The following STIL variants were observed in gnomAD, a reference collection of about 807,000 sequenced individuals.
STIL encodes STIL centriolar assembly protein, also known as SCL-interrupting locus protein.
Under a neutral mutation model 110.1 loss-of-function variants are expected in STIL, and 55 were observed. The observed-to-expected ratio is 0.50, with a 90% CI of 0.40 to 0.63. The LOEUF is 0.63. Among genes scored for constraint, STIL ranks in the 20% least tolerant of loss-of-function variants. The probability of loss-of-function intolerance (pLI) is 0.00; values close to 1 mark genes in which losing one functional copy is unlikely to be tolerated. For missense variants in STIL, 1,358 were observed against 1,530.0 expected, an observed-to-expected ratio of 0.89 and a Z score of 1.87; for synonymous variants, 481 against 530.0, an observed-to-expected ratio of 0.91 and a Z score of 1.27.
intron 15 of STIL, among the ~76,000 whole-genome samples, chr1:47,262,083 C>G (rs1475081089): frequency 6.6e-6 from 1 of 152,124 alleles, no homozygotes; most frequent in Non-Finnish European, 1.5e-5. Flanking sequence ...CTCACTTTCT[C>G]AAAGTAAGAA....
chr1:47,303,783 A>G (rs1186043050), intron 3 of STIL, among the ~76,000 whole-genome samples: 1 of 152,222 alleles, frequency 6.6e-6, no homozygotes, highest in African/African-American at 2.4e-5. Context: ...ACTAGTGTTG[A>G]ACCCGAATAC....
intron 8 of STIL, 87 bp downstream of exon 8, chr1:47,293,371 G>C: frequency 1.9e-6 from 2 of 1,038,428 alleles, no homozygotes; most frequent in Non-Finnish European, 3.0e-6. Context: ...AAAAGGTTAC[G>C]GCATTACATG....
intron 16 of STIL, among the ~76,000 whole-genome samples, chr1:47,252,701 A>G (rs1320727581): frequency 6.6e-6 from 1 of 152,032 alleles, no homozygotes; most frequent in African/African-American, 2.4e-5. Context: ...TAGCTCAGAA[A>G]ATTAAATTGT....
chr1:47,265,564 T>C (rs1644624921), intron 14 of STIL, among the ~76,000 whole-genome samples: 1 of 151,840 alleles, frequency 6.6e-6, no homozygotes, highest in African/African-American at 2.4e-5. Context: ...GCAGATCATC[T>C]GAGGTCAGGA....
rs772304964 is a variant in STIL, at chr1:47,251,689, G to A, written c.3314C>T (p.Thr1105Ile). ...TGGTGAAATTAAACTAAGCCCCACT[G>A]TGCTTCTGTCTGTATTAATATGGAG... ...SLLHINTDRS[T>I]VGLSLISPNN... is the part of the protein sequence containing the mutation. Residue 1105 changes from threonine to isoleucine, a missense_variant, in exon 17 of 17, where the codon ACA (threonine) becomes ATA (isoleucine). By Grantham distance (89) the Thr-to-Ile change is moderately conservative. Transcript: ENST00000371877. The A allele has an allele frequency of 4.3e-6, 7 of 1,614,062 alleles. No homozygotes were observed. The highest frequency in any genetic ancestry group is 1.7e-5 in the Admixed American group (1 of 59,998).
Position 47,289,483 on chromosome 1 carries a change from G to C in STIL, c.975C>G (p.Asp325Glu). The change falls in exon 9 of 17, where the codon GAC becomes GAG. Residue 325 changes from aspartate (D) to glutamate (E), a missense_variant. Asp to Glu is a conservative substitution (Grantham distance 45). Transcript: ENST00000371877. ...ECFPCDGKIPDFRFQLLTSKE... is the reference protein window; with the variant it reads ...ECFPCDGKIPEFRFQLLTSKE... The stretch of plus-strand genomic sequence containing the variant: ...TACTGGTTAGCAACTGAAACCGAAA[G>C]TCAGGTATCTTGCCATCACAAGGGA... 1 of 1,613,898 alleles carries C rather than the reference G, an allele frequency of 6.2e-7. No homozygotes were observed. The highest frequency in any genetic ancestry group is 1.1e-5 in the South Asian group (1 of 91,080).
At chr1:47,303,969 C>T (rs1645879764) in intron 3 of STIL, among the ~76,000 whole-genome samples, 1 of 152,074 alleles carries the variant, frequency 6.6e-6, no homozygotes, top group Non-Finnish European at 1.5e-5. Context: ...CTATTCCAGG[C>T]ACTGTGACAA....
Position 47,281,220 on chromosome 1 carries a change from GA to G in STIL, c.1249-12del. On this transcript the variant is annotated splice_polypyrimidine_tract_variant and intron_variant, in intron 11 of 16. Coordinates refer to ENST00000371877, the MANE Select transcript of STIL (RefSeq NM_001048166.1). ...TTGGATCTTAGAAATCTACAAATAA[GA>G]AAGAAATAGAAAAAAAAAGTATTTT... 1 of 1,602,374 alleles carries G rather than the reference GA, an allele frequency of 6.2e-7. No individual in the cohort carries two copies. The highest frequency in any genetic ancestry group is 8.5e-7 in the Non-Finnish European group (1 of 1,175,928).
chr1:47,288,412 T>TCA (rs773494547), intron 9 of STIL, among the ~76,000 whole-genome samples: 3 of 152,166 alleles, frequency 2.0e-5, no homozygotes, highest in South Asian at 4.1e-4. Context: ...TTCTCCTGCC[T>TCA]CAGTCTCCCA....
At chr1:47,287,322 T>G (rs1265579995) in intron 10 of STIL, among the ~76,000 whole-genome samples, 1 of 152,228 alleles carries the variant, frequency 6.6e-6, no homozygotes, top group Non-Finnish European at 1.5e-5. Context: ...GTATTTTTCC[T>G]GTATAATACA....
At position 47,289,534 on chromosome 1, in the gene STIL, A is replaced by T. The variant is rs1267195497; in HGVS notation, c.924T>A (p.His308Gln). The T allele has an allele frequency of 1.2e-6, 2 of 1,613,776 alleles. No individual in the cohort carries two copies. The highest frequency in any genetic ancestry group is 3.3e-5 in the Admixed American group (2 of 59,994). The change falls in exon 9 of 17, where the codon CAT becomes CAA. Residue 308 changes from histidine (H) to glutamine (Q), a missense_variant. Physicochemically the swap from His to Gln is conservative, Grantham distance 24. Coordinates refer to ENST00000371877, the MANE Select transcript of STIL (RefSeq NM_001048166.1). ...AGCATTCATAAAACTCAGGTTCCTT[A>T]TGTGTCATAGAATAGAGAACTATGA... is the stretch of plus-strand genomic sequence containing the variant. The part of the protein sequence containing the change: ...NFIIVLYSMT[H>Q]KEPEFYECFP...
At chr1:47,253,686 C>T (rs1644249386) in intron 16 of STIL, among the ~76,000 whole-genome samples, 1 of 152,126 alleles carries the variant, frequency 6.6e-6, no homozygotes, top group Non-Finnish European at 1.5e-5. Context: ...GTCCTTTGTG[C>T]ACTATTTGTT....
At chr1:47,284,652 G>T (rs1055589523) in intron 10 of STIL, among the ~76,000 whole-genome samples, 1 of 152,340 alleles carries the variant, frequency 6.6e-6, no homozygotes, top group Admixed American at 6.5e-5. Flanking sequence ...CACTTTGGGA[G>T]GCCAAGGTGG....
intron 9 of STIL, 136 bp downstream of exon 9, chr1:47,289,287 AAAGTTAATATTT>A: frequency 2.0e-6 from 1 of 510,180 alleles, no homozygotes; most frequent in East Asian, 3.5e-5. Flanking sequence ...ATAAATGAAT[AAAGTTAATATTT>A]AATAAGATTA....
At position 47,262,609 on chromosome 1, in the gene STIL, C is replaced by T. The variant is rs1027754405; in HGVS notation, c.2829+294G>A. Among the ~76,000 whole-genome samples the T allele has an allele frequency of 3.9e-5, 6 of 152,010 alleles. No homozygotes were observed. In the South Asian group the frequency reaches 6.2e-4, roughly 16 times the overall value. On this transcript the variant is annotated intron_variant, in intron 15 of 16. Transcript: ENST00000371877. ...CACTACTTTCCAATTTTCAAATTTC[C>T]GAGAAACTCTTGCTTATTTTCTAAT... is the stretch of plus-strand genomic sequence containing the variant.
At chr1:47,251,947 A>G (rs772688865) in intron 16 of STIL, 25 bp from the exon 17 acceptor site, 1 of 1,604,114 alleles carries the variant, frequency 6.2e-7, no homozygotes, top group South Asian at 1.1e-5. Context: ...GTAGTAAGCC[A>G]TCATTTACCA....
chr1:47,266,107 C>T (rs1457043506), intron 14 of STIL, among the ~76,000 whole-genome samples: 2 of 152,148 alleles, frequency 1.3e-5, no homozygotes, highest in African/African-American at 4.8e-5. Flanking sequence ...CCTTACCCTG[C>T]AGGAACTCAA....
At chr1:47,289,649 TC>T in intron 8 of STIL, 64 bp from the exon 9 acceptor site, 3 of 1,432,908 alleles carry the variant, frequency 2.1e-6, no homozygotes, top group Non-Finnish European at 2.9e-6. Context: ...TCAAATAACT[TC>T]ATGTGAGTCT....
Position 47,285,020 on chromosome 1 carries a change from C to CTT in STIL, c.1133+2529_1133+2530dup, listed in dbSNP as rs35801422. ...CAGCCTACCTGTAGACATTTTTTGT[C>CTT]TTTTTTTTTTTTTTTTTCTTTGAGA... On this transcript the variant is annotated intron_variant, in intron 10 of 16. Transcript: ENST00000371877. 5.1e-3 allele frequency among the ~76,000 whole-genome samples: 681 copies of CTT among 134,612 alleles called. 14 individuals are homozygous for CTT. Among genetic ancestry groups the CTT allele is most frequent in the African/African-American group, 0.016 (558 of 35,966 alleles). The allele number at this position is 134,612 out of a possible 152,430, so 88.3% of individuals were successfully genotyped here. A position where few individuals can be genotyped will look rare whatever the true frequency, so the allele number is the denominator to read the frequency against.
Sources: allele counts gnomAD v4.1 joint callset (sites outside exome capture counted in the v4.1 genomes callset), GRCh38; gene constraint gnomAD v4.1.1; transcripts MANE v1.5; gene names NCBI Gene and HGNC (gene_info 2026-07-23, HGNC 2026-07-21).